The following RMST variants were observed in gnomAD, a reference collection of about 807,000 sequenced individuals.
RMST encodes rhabdomyosarcoma 2 associated transcript.
chr12:97,524,075 C>CAAAAAAAAAAAAAAAAAAAAAAAAAAA (rs537840796), intron 10 of RMST, among the ~76,000 whole-genome samples: 6 of 56,128 alleles, frequency 1.1e-4, no homozygotes, highest in African/African-American at 2.3e-4. Flanking sequence ...GACTCTGTCT[C>CAAAAAAAAAAAAAAAAAAAAAAAAAAA]AAAAAAAAAA....
chr12:97,539,071 T>G (rs1237751379), intron 11 of RMST, among the ~76,000 whole-genome samples: 3 of 151,534 alleles, frequency 2.0e-5, no homozygotes, highest in African/African-American at 7.3e-5. Flanking sequence ...TTATTGCTAT[T>G]TGCTGTCTAA....
chr12:97,547,930 G>A (rs551322447), intron 11 of RMST, among the ~76,000 whole-genome samples: 1 of 151,874 alleles, frequency 6.6e-6, no homozygotes, highest in Non-Finnish European at 1.5e-5. Context: ...TGCTCTTGTT[G>A]CCTGTGCCTT....
chr12:97,544,310 T>G (rs1206154023), intron 11 of RMST, among the ~76,000 whole-genome samples: 2 of 152,094 alleles, frequency 1.3e-5, no homozygotes, highest in Non-Finnish European at 2.9e-5. Flanking sequence ...TATATAACTT[T>G]TAGTAACAAT....
intron 10 of RMST, among the ~76,000 whole-genome samples, chr12:97,524,075 C>CAAAAAAAAAAAAAAAAAAAAA (rs537840796): frequency 1.2e-4 from 7 of 56,120 alleles, no homozygotes; most frequent in Non-Finnish European, 1.6e-4. Context: ...GACTCTGTCT[C>CAAAAAAAAAAAAAAAAAAAAA]AAAAAAAAAA....
intron 11 of RMST, among the ~76,000 whole-genome samples, chr12:97,548,905 G>T (rs1883128461): frequency 6.6e-6 from 1 of 151,990 alleles, no homozygotes; most frequent in South Asian, 2.1e-4. Flanking sequence ...ATAAATAATG[G>T]AGATTGACTT....
intron 10 of RMST, among the ~76,000 whole-genome samples, chr12:97,526,967 G>A (rs1411389326): frequency 1.3e-5 from 2 of 152,112 alleles, no homozygotes; most frequent in Non-Finnish European, 2.9e-5. Context: ...TTCTTGGTAA[G>A]GTTTACTAAC....
chr12:97,554,599 C>T (rs1883561833), intron 11 of RMST, among the ~76,000 whole-genome samples: 1 of 152,048 alleles, frequency 6.6e-6, no homozygotes, highest in African/African-American at 2.4e-5. Context: ...TGTTATTACT[C>T]ATATCTAACC....
At chr12:97,478,784 G>C (rs73384732) in intron 5 of RMST, among the ~76,000 whole-genome samples, 4,365 of 152,264 alleles carry the variant, frequency 0.029, 230 homozygotes, top group African/African-American at 0.099. Context: ...CCTTTTGTCT[G>C]ATTTCCTTAG....
At chr12:97,539,476 G>C (rs1882337300) in intron 11 of RMST, among the ~76,000 whole-genome samples, 1 of 151,508 alleles carries the variant, frequency 6.6e-6, no homozygotes, top group African/African-American at 2.4e-5. Context: ...TTATTTCTGA[G>C]TTCACTAAGG....
chr12:97,465,300 G>A (rs1873052551), intron 4 of RMST, among the ~76,000 whole-genome samples: 1 of 152,116 alleles, frequency 6.6e-6, no homozygotes, highest in Non-Finnish European at 1.5e-5. Flanking sequence ...GGTTCTTTGG[G>A]GGAAAGTTGT....
chr12:97,542,984 T>A (rs891050684), intron 11 of RMST, among the ~76,000 whole-genome samples: 1 of 151,954 alleles, frequency 6.6e-6, no homozygotes, highest in Non-Finnish European at 1.5e-5. Context: ...ACCTCGTATG[T>A]GTTTGGGTAT....
intron 10 of RMST, among the ~76,000 whole-genome samples, chr12:97,513,056 C>G (rs1879567198): frequency 6.6e-6 from 1 of 152,238 alleles, no homozygotes; most frequent in Admixed American, 6.5e-5. Context: ...GAGCCCACGC[C>G]CACCCGGAAC....
intron 13 of RMST, chr12:97,563,742 C>T (rs1448020010): frequency 3.4e-5 from 16 of 466,170 alleles, no homozygotes; most frequent in South Asian, 1.9e-4. Context: ...TTTAATGTAG[C>T]GTGAAATGAT....
At chr12:97,467,894 T>C (rs768530833) in intron 5 of RMST, among the ~76,000 whole-genome samples, 1 of 152,058 alleles carries the variant, frequency 6.6e-6, no homozygotes, top group Non-Finnish European at 1.5e-5. Flanking sequence ...TTTGGTATGT[T>C]CATGGGATTG....
intron 11 of RMST, among the ~76,000 whole-genome samples, chr12:97,541,026 A>ATG: frequency 6.6e-6 from 1 of 151,562 alleles, no homozygotes; most frequent in Middle Eastern, 3.4e-3. Context: ...ATATATATAT[A>ATG]TATGTGTGTT....
intron 8 of RMST, chr12:97,494,143 A>G (rs1021754342): frequency 6.6e-6 from 1 of 152,204 alleles, no homozygotes; most frequent in African/African-American, 2.4e-5. Flanking sequence ...AGTTACGCAT[A>G]CATGCATGTT....
intron 10 of RMST, among the ~76,000 whole-genome samples, chr12:97,502,211 T>C (rs1878156078): frequency 6.6e-6 from 1 of 152,188 alleles, no homozygotes; most frequent in African/African-American, 2.4e-5. Flanking sequence ...GTCCTGAAGT[T>C]CAAATGAAAC....
intron 5 of RMST, among the ~76,000 whole-genome samples, chr12:97,468,944 A>G (rs1873542198): frequency 6.6e-6 from 1 of 151,930 alleles, no homozygotes; most frequent in Admixed American, 6.6e-5. Context: ...AGTATTTAAT[A>G]TATTTTCCTG....
intron 11 of RMST, among the ~76,000 whole-genome samples, chr12:97,551,284 T>C (rs1883291167): frequency 6.6e-6 from 1 of 150,666 alleles, no homozygotes; most frequent in Non-Finnish European, 1.5e-5. Flanking sequence ...CAATGGGCAA[T>C]ATAGAAAGGT....
Sources: allele counts gnomAD v4.1 joint callset (sites outside exome capture counted in the v4.1 genomes callset), GRCh38; gene constraint gnomAD v4.1.1; transcripts MANE v1.5; gene names NCBI Gene and HGNC (gene_info 2026-07-23, HGNC 2026-07-21).